Variants in TNIK observed in about 807,000 individuals in gnomAD.
TNIK encodes TRAF2 and NCK interacting kinase.
In TNIK, 49 loss-of-function variants were observed where a neutral mutation model predicts 191.3. The ratio of observed to expected loss-of-function variants is 0.26; its 90% CI spans 0.20 to 0.32. The LOEUF (loss-of-function observed/expected upper bound fraction) is 0.32, where lower values mean the gene tolerates loss of function less well. TNIK is among the 10% of genes least tolerant of loss of function. TNIK has a pLI of 1.00. For missense variants in TNIK, 1,155 were observed against 1,702.3 expected (o/e 0.68, Z 5.66); for synonymous variants, 594 against 600.9 (o/e 0.99, Z 0.17).
At chr3:171,380,822 G>T (rs1717930291) in intron 1 of TNIK, among the ~76,000 whole-genome samples, 1 of 152,222 alleles carries the variant, frequency 6.6e-6, no homozygotes, top group African/African-American at 2.4e-5. Flanking sequence ...ATATTGGCTG[G>T]TTGATTAGAT....
In TNIK at chr3:171,058,818, G is replaced by A. The variant is rs944144256; in HGVS notation, c.*5063C>T. On this transcript the variant is annotated 3_prime_UTR_variant, in exon 33 of 33. Transcript: ENST00000436636. ...TTAACATAAATAAGGCAGCTAAAAC[G>A]TTCAAAAATAGTTTTACAACATTCA... Among the ~76,000 whole-genome samples the A allele has an allele frequency of 2.0e-5, 3 of 152,136 alleles. No homozygotes were observed. Among genetic ancestry groups the A allele is most frequent in the Admixed American group, 6.5e-5 (1 of 15,276 alleles).
chr3:171,115,376 A>C (rs1726527169), intron 18 of TNIK, among the ~76,000 whole-genome samples: 2 of 152,264 alleles, frequency 1.3e-5, no homozygotes, highest in Admixed American at 1.3e-4. Flanking sequence ...CACAAGCCAC[A>C]GGGCATACAG....
chr3:171,111,565 A>ATTC (rs1725864715), intron 18 of TNIK, among the ~76,000 whole-genome samples: 1 of 152,228 alleles, frequency 6.6e-6, no homozygotes, highest in Non-Finnish European at 1.5e-5. Context: ...GTTGGTGAGA[A>ATTC]TGTAAAATAG....
intron 2 of TNIK, among the ~76,000 whole-genome samples, chr3:171,328,109 G>A (rs1423029551): frequency 6.6e-6 from 1 of 152,078 alleles, no homozygotes; most frequent in Non-Finnish European, 1.5e-5. Flanking sequence ...ATTAGGAGAT[G>A]CGGCCTTTGG....
chr3:171,217,531 T>C (rs1336136325), intron 3 of TNIK, among the ~76,000 whole-genome samples: 2 of 151,986 alleles, frequency 1.3e-5, no homozygotes, highest in African/African-American at 4.8e-5. Context: ...ATGTACCTCC[T>C]GAGTCTAAAA....
At chr3:171,447,587 C>T (rs920396659) in intron 1 of TNIK, among the ~76,000 whole-genome samples, 6 of 152,212 alleles carry the variant, frequency 3.9e-5, no homozygotes, top group African/African-American at 1.4e-4. Flanking sequence ...CACTTAGTAG[C>T]TCTACGATCT....
chr3:171,323,517 T>G (rs1281795195), intron 2 of TNIK, among the ~76,000 whole-genome samples: 1 of 152,162 alleles, frequency 6.6e-6, no homozygotes, highest in East Asian at 1.9e-4. Flanking sequence ...CCGAGGTCAG[T>G]GTTGGGCACT....
At chr3:171,429,021 A>G (rs2108653933) in intron 1 of TNIK, among the ~76,000 whole-genome samples, 1 of 152,302 alleles carries the variant, frequency 6.6e-6, no homozygotes, top group Non-Finnish European at 1.5e-5. Flanking sequence ...GAATGAATTT[A>G]TCATTCCATC....
At chr3:171,212,976 A>G (rs1741021185) in intron 3 of TNIK, among the ~76,000 whole-genome samples, 1 of 152,170 alleles carries the variant, frequency 6.6e-6, no homozygotes. Context: ...ATCTCAAAAT[A>G]GAATATATGC....
rs1227824369 is a variant in TNIK at position 171,453,902 on chromosome 3, GC to G, written c.57+6104del. Among the ~76,000 whole-genome samples the G allele has an allele frequency of 8.3e-4, 127 of 152,296 alleles. 1 individual carries two copies. Among genetic ancestry groups the G allele is most frequent in the African/African-American group, 3.0e-3 (124 of 41,552 alleles). On this transcript the variant is annotated intron_variant, in intron 1 of 32. Coordinates refer to ENST00000436636, the MANE Select transcript of TNIK (RefSeq NM_015028.4). Reference sequence around the variant, plus strand: ...ATCATGTTTCTCTAAAGGGAAATAAGCTTCCAACCAGACTGGAAGGAATCAC... The same window carrying G: ...ATCATGTTTCTCTAAAGGGAAATAAGTTCCAACCAGACTGGAAGGAATCAC...
intron 2 of TNIK, among the ~76,000 whole-genome samples, chr3:171,355,811 A>G (rs1005992960): frequency 3.9e-5 from 6 of 152,146 alleles, no homozygotes; most frequent in African/African-American, 1.4e-4. Context: ...ACATCTCGGT[A>G]TTGTAGCCAG....
At chr3:171,106,875 AG>A in intron 21 of TNIK, 1 of 510,758 alleles carries the variant, frequency 2.0e-6, no homozygotes, top group Non-Finnish European at 3.9e-6. Flanking sequence ...TGGCAAGTAC[AG>A]GTTTGCTATT....
At chr3:171,171,176 C>G (rs1250833510) in intron 9 of TNIK, among the ~76,000 whole-genome samples, 1 of 152,092 alleles carries the variant, frequency 6.6e-6, no homozygotes, top group Non-Finnish European at 1.5e-5. Flanking sequence ...CTCCAAGAAG[C>G]CTGCACAAAC....
intron 7 of TNIK, among the ~76,000 whole-genome samples, chr3:171,184,236 T>C (rs1160492002): frequency 1.3e-5 from 2 of 152,186 alleles, no homozygotes; most frequent in Non-Finnish European, 2.9e-5. Flanking sequence ...TTATGTTATA[T>C]ATTTATATAT....
intron 2 of TNIK, among the ~76,000 whole-genome samples, chr3:171,240,903 C>T (rs540572622): frequency 2.8e-4 from 42 of 152,272 alleles, no homozygotes; most frequent in African/African-American, 1.0e-3. Context: ...TTGTCTTGTT[C>T]ACTATTCTGT....
At chr3:171,131,145 T>C (rs549763004) in intron 15 of TNIK, among the ~76,000 whole-genome samples, 3 of 151,814 alleles carry the variant, frequency 2.0e-5, no homozygotes, top group East Asian at 1.9e-4. Context: ...GAGACCATCC[T>C]GGCTAACACG....
At chr3:171,224,985 G>C (rs1257356128) in intron 3 of TNIK, among the ~76,000 whole-genome samples, 2 of 152,086 alleles carry the variant, frequency 1.3e-5, no homozygotes, top group East Asian at 3.8e-4. Flanking sequence ...AAGTGATATA[G>C]AATAAAAACA....
At chr3:171,424,215 A>C (rs968334355) in intron 1 of TNIK, among the ~76,000 whole-genome samples, 2 of 152,250 alleles carry the variant, frequency 1.3e-5, no homozygotes, top group African/African-American at 4.8e-5. Context: ...TTATGCAGCC[A>C]AAAGACACAT....
At position 171,058,550 on chromosome 3, in the gene TNIK, A is replaced by G. The variant is rs536376310; in HGVS notation, c.*5331T>C. ...AATAACTGTAGAAAGTACTTTCTCA[A>G]TGATTTTTGTATGCAAGAAAAAAAA... On this transcript the variant is annotated 3_prime_UTR_variant, in exon 33 of 33. Transcript: ENST00000436636. 2.6e-5 allele frequency among the ~76,000 whole-genome samples: 4 copies of G among 152,340 alleles called. No individual in the cohort carries two copies. Among genetic ancestry groups the G allele is most frequent in the East Asian group, 1.9e-4 (1 of 5,190 alleles).
Sources: gnomAD v4.1 joint callset for allele counts (sites outside exome capture counted in the v4.1 genomes callset) on GRCh38, gnomAD v4.1.1 for gene constraint, MANE v1.5 for transcripts, NCBI Gene and HGNC (gene_info 2026-07-23, HGNC 2026-07-21) for gene names.